PRDM2: variants seen among roughly 807,000 people sequenced by gnomAD.
PRDM2 encodes the protein PR domain zinc finger protein 2.
PRDM2 carries 30 observed loss-of-function variants against 130.0 expected under a neutral mutation model. That is an observed-to-expected ratio of 0.23 (90% confidence interval 0.17 to 0.31). The LOEUF (loss-of-function observed/expected upper bound fraction) is 0.31, where lower values mean the gene tolerates loss of function less well. PRDM2 is among the 10% of genes least tolerant of loss of function. The pLI is 1.00. For missense variants in PRDM2, 2,011 were observed against 2,108.4 expected (o/e 0.95, Z 0.90); for synonymous variants, 871 against 782.4 (o/e 1.11, Z -1.89).
chr1:13,731,066 C>G lies in PRDM2; in HGVS notation c.76C>G (p.Leu26Val), dbSNP rs1294811727. Residue 26 changes from leucine (L) to valine (V), a missense_variant, in exon 3 of 10, where the codon CTT becomes GTT. Coordinates refer to ENST00000311066, the MANE Select transcript of PRDM2 (RefSeq NM_001393986.1). The stretch of plus-strand genomic sequence containing the variant: ...GGTACCCGAACATGTGCTGCGAGGA[C>G]TTCCGGAGGAAGTGAGGCTTTTCCC... ...AEVPEHVLRG[L>V]PEEVRLFPSA... 2 of 1,612,936 alleles carry G rather than the reference C, an allele frequency of 1.2e-6. No homozygotes were observed. Among genetic ancestry groups the G allele is most frequent in the Non-Finnish European group, 1.7e-6 (2 of 1,179,696 alleles).
intron 2 of PRDM2, among the ~76,000 whole-genome samples, chr1:13,717,152 GCTTT>G (rs1264007122): frequency 4.6e-5 from 7 of 152,252 alleles, no homozygotes; most frequent in African/African-American, 1.4e-4. Context: ...TGGGGCACAT[GCTTT>G]CTATTATTTT....
At chr1:13,821,756 C>T (rs911594360) in intron 9 of PRDM2, among the ~76,000 whole-genome samples, 11 of 152,260 alleles carry the variant, frequency 7.2e-5, no homozygotes, top group East Asian at 5.8e-4. Flanking sequence ...CGTGAGCCAC[C>T]GCGCCCAGCC....
intron 1 of PRDM2, among the ~76,000 whole-genome samples, chr1:13,707,799 T>C (rs1006976151): frequency 4.0e-5 from 6 of 151,848 alleles, no homozygotes; most frequent in African/African-American, 9.7e-5. Flanking sequence ...AGTTACTTCA[T>C]GCAGGAAAAT....
intron 5 of PRDM2, among the ~76,000 whole-genome samples, chr1:13,744,922 A>G (rs1057116058): frequency 6.6e-6 from 1 of 152,220 alleles, no homozygotes; most frequent in Non-Finnish European, 1.5e-5. Context: ...TGGGCTCTGT[A>G]TCTTCTCAAC....
intron 2 of PRDM2, 70 bp from the exon 3 acceptor site, chr1:13,730,930 G>GAAAA: frequency 5.2e-6 from 5 of 967,518 alleles, no homozygotes; most frequent in South Asian, 1.8e-5. Context: ...TATTGAACCA[G>GAAAA]AAAAAAAAAA....
chr1:13,820,127 C>G (rs573422906), intron 9 of PRDM2, among the ~76,000 whole-genome samples: 4 of 152,142 alleles, frequency 2.6e-5, no homozygotes, highest in Admixed American at 1.3e-4. Context: ...TTCTGATTCC[C>G]GGGACGGATC....
intron 8 of PRDM2, among the ~76,000 whole-genome samples, chr1:13,816,221 G>A (rs1167132913): frequency 2.0e-5 from 3 of 152,160 alleles, no homozygotes; most frequent in Admixed American, 1.3e-4. Context: ...GAGAATTGGT[G>A]GATGGGACAT....
chr1:13,736,005 T>G (rs113594579), intron 4 of PRDM2, among the ~76,000 whole-genome samples: 1 of 152,200 alleles, frequency 6.6e-6, no homozygotes, highest in African/African-American at 2.4e-5. Context: ...AGAAATTGAT[T>G]CAATTGAGAT....
chr1:13,735,939 G>A (rs1203428899), intron 4 of PRDM2, among the ~76,000 whole-genome samples: 1 of 151,974 alleles, frequency 6.6e-6, no homozygotes, highest in Admixed American at 6.6e-5. Flanking sequence ...TCCCTGCTTA[G>A]CTGCTTCTCT....
rs137963862 is a variant in PRDM2 at position 13,779,303 on chromosome 1, G to T, written c.1508G>T (p.Arg503Leu). 3.1e-6 allele frequency: 5 copies of T among 1,614,100 alleles called. No homozygotes were observed. Among genetic ancestry groups the T allele is most frequent in the Non-Finnish European group, 4.2e-6 (5 of 1,179,988 alleles). ...CATACTAATATGAGACGGCATCAGC[G>T]TAGAGTTCACGAACGTCATCTGATT... ...GTHTNMRRHQRRVHERHLIPK... is the reference protein window; with the variant it reads ...GTHTNMRRHQLRVHERHLIPK... The change falls in exon 8 of 10, where the codon CGT (arginine) becomes CTT (leucine). Residue 503 changes from arginine to leucine, a missense_variant. This residue lies in a region of PRDM2 where 1,288 missense variants were observed against 1,237.7 expected (regional missense o/e 1.04). Transcript: ENST00000311066. The surrounding 1 kb of genome is among the most constrained non-coding windows in gnomAD (Gnocchi z 4.9).
chr1:13,701,165 T>C (rs1172307705), intron 1 of PRDM2, among the ~76,000 whole-genome samples: 1 of 152,212 alleles, frequency 6.6e-6, no homozygotes, highest in Non-Finnish European at 1.5e-5. Context: ...AGAAATTTCG[T>C]GCTGGCCCCT....
chr1:13,702,231 G>A (rs1446656145), intron 1 of PRDM2, among the ~76,000 whole-genome samples: 2 of 151,946 alleles, frequency 1.3e-5, no homozygotes, highest in African/African-American at 2.4e-5. Flanking sequence ...TGTGTATATT[G>A]TTTGCAACCT....
chr1:13,703,265 T>C (rs1642118876), intron 1 of PRDM2, among the ~76,000 whole-genome samples: 1 of 152,256 alleles, frequency 6.6e-6, no homozygotes, highest in African/African-American at 2.4e-5. Flanking sequence ...GACGATCCTG[T>C]ACACTGTAGG....
chr1:13,787,102 A>G, intron 8 of PRDM2: 2 of 985,498 alleles, frequency 2.0e-6, no homozygotes, highest in Non-Finnish European at 2.4e-6. Context: ...TGCCAGCGTA[A>G]TGGAGAGGAA....
rs549869072 is a variant in PRDM2, at chr1:13,825,076, A to G, written c.*1941A>G. On this transcript the variant is annotated 3_prime_UTR_variant, in exon 10 of 10. Transcript: ENST00000311066. The surrounding 1 kb of genome is among the most constrained non-coding windows in gnomAD (Gnocchi z 4.9). Reference sequence around the variant, plus strand: ...AAAGTGTGAAGAGCGATTGTGAGGAACAAGCCTGGGAGTGATCATTCTGGT... The same window carrying G: ...AAAGTGTGAAGAGCGATTGTGAGGAGCAAGCCTGGGAGTGATCATTCTGGT... 3 of 152,740 alleles carry G rather than the reference A, an allele frequency of 2.0e-5. No individual in the cohort carries two copies. Among genetic ancestry groups the G allele is most frequent in the Admixed American group, 6.5e-5 (1 of 15,302 alleles). 9.5% of individuals were successfully genotyped at this position (152,740 alleles called of 1,614,324 possible).
intron 5 of PRDM2, among the ~76,000 whole-genome samples, chr1:13,747,960 T>C (rs564606911): frequency 1.3e-5 from 2 of 152,274 alleles, no homozygotes; most frequent in South Asian, 4.1e-4. Context: ...CCACATTCAG[T>C]TGTTATGTCT....
chr1:13,707,216 C>T lies in PRDM2; in HGVS notation c.-66+6916C>T, dbSNP rs115354851. On this transcript the variant is annotated intron_variant, in intron 1 of 9. Transcript: ENST00000311066. ...AAGATGCCTCTGTTGCTCAGAGAGTCTTCATGTGAGACATGAAGACTTTGG... is the reference window on the plus strand; with the variant it reads ...AAGATGCCTCTGTTGCTCAGAGAGTTTTCATGTGAGACATGAAGACTTTGG... Among the ~76,000 whole-genome samples, 320 of 152,240 alleles carry T rather than the reference C, an allele frequency of 2.1e-3. 2 individuals are homozygous for T. The highest frequency in any genetic ancestry group is 6.8e-3 in the Middle Eastern group (2 of 294).
intron 2 of PRDM2, among the ~76,000 whole-genome samples, chr1:13,719,009 T>G (rs939400826): frequency 1.3e-5 from 2 of 152,150 alleles, no homozygotes; most frequent in African/African-American, 4.8e-5. Flanking sequence ...GTGAACTAGG[T>G]GGGCAAGGGC....
At chr1:13,817,173 T>A (rs1557679864) in intron 9 of PRDM2, among the ~76,000 whole-genome samples, 1 of 152,148 alleles carries the variant, frequency 6.6e-6, no homozygotes, top group Non-Finnish European at 1.5e-5. Flanking sequence ...AAGGAAATGC[T>A]CATTGGAGCG....
Sources: gnomAD v4.1 joint callset for allele counts (sites outside exome capture counted in the v4.1 genomes callset) on GRCh38, gnomAD v4.1.1 for gene constraint, gnomAD v4.1.1 regional missense constraint, Gnocchi (gnomAD v3.1) non-coding constraint, MANE v1.5 for transcripts, NCBI Gene and HGNC (gene_info 2026-07-23, HGNC 2026-07-21) for gene names.